Variants in C11orf65 observed in about 807,000 individuals in gnomAD.
The protein encoded by C11orf65 is chromosome 11 open reading frame 65.
C11orf65 carries 38 observed loss-of-function variants against 35.3 expected under a neutral mutation model. The observed-to-expected ratio is 1.08, with a 90% CI of 0.83 to 1.41. C11orf65 has a LOEUF of 1.41. C11orf65 is among the 40% of genes most tolerant of loss of function. The pLI is 0.00. For missense variants in C11orf65, 370 were observed against 367.1 expected (o/e 1.01, Z -0.06); for synonymous variants, 105 against 114.4 (o/e 0.92, Z 0.53).
intron 3 of C11orf65, among the ~76,000 whole-genome samples, chr11:108,418,028 G>C (rs2092764905): frequency 6.6e-6 from 1 of 150,816 alleles, no homozygotes; most frequent in Non-Finnish European, 1.5e-5. Context: ...GAGACCTTAA[G>C]GGACACACTT....
rs887137010 is a variant in C11orf65, at chr11:108,358,862, C to T, written c.227-23570G>A. Among the ~76,000 whole-genome samples the T allele has an allele frequency of 5.3e-5, 8 of 151,450 alleles. No homozygotes were observed. In the East Asian group the frequency reaches 5.8e-4, roughly 11 times the overall value. On this transcript the variant is annotated intron_variant, in intron 2 of 3. Coordinates refer to the C11orf65 transcript ENST00000524755. ...AATCATGCCAAAATGTAAAGACCAT[C>T]GAGACTAGGAAGAAACTGCATCAAC...
chr11:108,396,076 T>C (rs948490845), intron 6 of C11orf65, among the ~76,000 whole-genome samples: 31 of 151,932 alleles, frequency 2.0e-4, no homozygotes, highest in Non-Finnish European at 3.1e-4. Context: ...CCTCATGAAA[T>C]TTTGACTTCA....
intron 3 of C11orf65, among the ~76,000 whole-genome samples, chr11:108,420,467 C>T (rs2092799608): frequency 6.6e-6 from 1 of 152,124 alleles, no homozygotes; most frequent in African/African-American, 2.4e-5. Context: ...ATCTCCTCAC[C>T]CACCACATTC....
At chr11:108,408,013 T>C (rs1455167267) in intron 3 of C11orf65, among the ~76,000 whole-genome samples, 1 of 147,216 alleles carries the variant, frequency 6.8e-6, no homozygotes, top group Non-Finnish European at 1.5e-5. Context: ...ATTATTATTA[T>C]TATTATTATT....
Position 108,365,408 on chromosome 11 carries a change from C to A in C11orf65, c.226+27800G>T, listed in dbSNP as rs786203183. ...AAACTGAAAGGAGTGGAAGAAGGCA[C>A]TGTGCTCAGTGTTGGTGGACAAGTG... On this transcript the variant is annotated intron_variant, in intron 2 of 3. Transcript: ENST00000524755. 1 of 1,614,186 alleles carries A rather than the reference C, an allele frequency of 6.2e-7. No homozygotes were observed. The highest frequency in any genetic ancestry group is 8.5e-7 in the Non-Finnish European group (1 of 1,180,036).
intron 3 of C11orf65, among the ~76,000 whole-genome samples, chr11:108,421,594 G>A (rs1002022303): frequency 6.6e-6 from 1 of 152,088 alleles, no homozygotes; most frequent in Non-Finnish European, 1.5e-5. Context: ...GGAGGCGAAG[G>A]TTGCAGTGAG....
At chr11:108,344,180 GAA>G (rs1756245131) in intron 2 of C11orf65, among the ~76,000 whole-genome samples, 1 of 152,172 alleles carries the variant, frequency 6.6e-6, no homozygotes, top group South Asian at 2.1e-4. Flanking sequence ...TGTTGTGATG[GAA>G]GTCTGTACAG....
chr11:108,395,030 C>T (rs112013256), intron 6 of C11orf65, among the ~76,000 whole-genome samples: 5 of 151,814 alleles, frequency 3.3e-5, no homozygotes, highest in African/African-American at 7.2e-5. Flanking sequence ...ACTGGGGAGG[C>T]GGAGGTGGGA....
At chr11:108,353,643 A>C in intron 2 of C11orf65, 1 of 774,570 alleles carries the variant, frequency 1.3e-6, no homozygotes, top group Non-Finnish European at 2.3e-6. Flanking sequence ...ACTACTGTAC[A>C]TACTAGTGTT....
intron 2 of C11orf65, among the ~76,000 whole-genome samples, chr11:108,350,976 T>C (rs2089135192): frequency 6.6e-6 from 1 of 152,226 alleles, no homozygotes; most frequent in South Asian, 2.1e-4. Context: ...TATAGTAGCA[T>C]TATTCATAAT....
intron 3 of C11orf65, among the ~76,000 whole-genome samples, chr11:108,428,392 CA>C (rs1176215401): frequency 3.3e-5 from 5 of 152,126 alleles, no homozygotes; most frequent in Admixed American, 6.5e-5. Flanking sequence ...TTCACAATAG[CA>C]AAGACTTGGA....
At chr11:108,330,434 C>CA, downstream of C11orf65, 1 of 1,613,276 alleles carries the variant, frequency 6.2e-7, no homozygotes, top group South Asian at 1.1e-5. Flanking sequence ...AAGTGTTACT[C>CA]AGCCCAATAT....
intron 2 of C11orf65, chr11:108,343,398 A>C (rs755047475): frequency 1.2e-6 from 2 of 1,612,582 alleles, no homozygotes; most frequent in Non-Finnish European, 8.5e-7. Context: ...ATTAAAGGTT[A>C]TTGTAAGATT....
chr11:108,434,837 T>C (rs753513924), intron 2 of C11orf65, among the ~76,000 whole-genome samples: 10 of 152,220 alleles, frequency 6.6e-5, no homozygotes, highest in Non-Finnish European at 1.5e-4. Flanking sequence ...CACACAGCAT[T>C]GCTCCTGATT....
intron 2 of C11orf65, among the ~76,000 whole-genome samples, chr11:108,455,866 G>C (rs1272295781): frequency 7.7e-6 from 1 of 129,388 alleles, no homozygotes; most frequent in African/African-American, 3.0e-5. Flanking sequence ...AAGATCCAAA[G>C]ACATGGGCCA....
At chr11:108,385,768 T>A (rs1374223752) in intron 8 of C11orf65, 152 bp downstream of exon 8, 2 of 634,614 alleles carry the variant, frequency 3.2e-6, no homozygotes, top group Non-Finnish European at 5.6e-6. Flanking sequence ...CAAATAACAA[T>A]CTTACATACA....
intron 6 of C11orf65, among the ~76,000 whole-genome samples, chr11:108,402,467 C>G (rs1334993779): frequency 6.6e-6 from 1 of 152,086 alleles, no homozygotes; most frequent in Non-Finnish European, 1.5e-5. Flanking sequence ...CAATGGAACC[C>G]AGGGTTGCCC....
chr11:108,359,839 AAGC>A (rs1207928978), intron 2 of C11orf65, among the ~76,000 whole-genome samples: 4 of 152,208 alleles, frequency 2.6e-5, no homozygotes, highest in African/African-American at 9.7e-5. Context: ...CCACAAGAGA[AAGC>A]AGGAAAGATC....
At chr11:108,437,590 G>C (rs1018796663) in intron 2 of C11orf65, among the ~76,000 whole-genome samples, 2 of 151,310 alleles carry the variant, frequency 1.3e-5, no homozygotes, top group South Asian at 2.1e-4. Context: ...TGTAGTCCCA[G>C]CTACTCGGGA....
Sources: allele counts gnomAD v4.1 joint callset (sites outside exome capture counted in the v4.1 genomes callset), GRCh38; gene constraint gnomAD v4.1.1; transcripts MANE v1.5; gene names NCBI Gene and HGNC (gene_info 2026-07-23, HGNC 2026-07-21).